The following DOCK1 variants were observed in gnomAD, a reference collection of about 807,000 sequenced individuals.
DOCK1 encodes the protein dedicator of cytokinesis protein 1.
A neutral mutation model predicts 262.7 loss-of-function variants in DOCK1; 138 were observed. That is an observed-to-expected ratio of 0.53 (90% confidence interval 0.46 to 0.61). The LOEUF (loss-of-function observed/expected upper bound fraction) is 0.61, where lower values mean the gene tolerates loss of function less well. Ranked by LOEUF, DOCK1 falls within the 20% of genes least tolerant of loss-of-function variation. The pLI is 0.00. For synonymous variants in DOCK1, 866 were observed against 867.4 expected (o/e 1.00, Z 0.03); for missense variants, 1,908 against 2,370.7 (o/e 0.80, Z 4.05).
intron 1 of DOCK1, among the ~76,000 whole-genome samples, chr10:126,941,711 T>C (rs911989988): frequency 0.069 from 10,460 of 151,926 alleles, 461 homozygotes; most frequent in Middle Eastern, 0.15. Context: ...GCCGAGATCG[T>C]GCCACTGCAC....
intron 27 of DOCK1, among the ~76,000 whole-genome samples, chr10:127,226,343 G>C (rs769836991): frequency 6.6e-6 from 1 of 152,076 alleles, no homozygotes; most frequent in African/African-American, 2.4e-5. Flanking sequence ...ACAAGAACAG[G>C]GTTGGGTAAT....
At chr10:127,052,552 T>C in intron 21 of DOCK1, 129 bp from the exon 22 acceptor site, 2 of 1,332,784 alleles carry the variant, frequency 1.5e-6, no homozygotes, top group Non-Finnish European at 2.0e-6. Context: ...AGAAAACGTT[T>C]TACAGATATT....
intron 23 of DOCK1, among the ~76,000 whole-genome samples, chr10:127,090,313 C>CA (rs1480472800): frequency 6.6e-6 from 1 of 152,064 alleles, no homozygotes; most frequent in Non-Finnish European, 1.5e-5. Context: ...TCATGGTTCC[C>CA]AGGTGTTTGT....
intron 1 of DOCK1, among the ~76,000 whole-genome samples, chr10:126,948,123 T>TA: frequency 8.4e-6 from 1 of 118,386 alleles, no homozygotes; most frequent in African/African-American, 3.2e-5. Context: ...GTGATGGTGG[T>TA]GGTTGGTAGT....
intron 33 of DOCK1, among the ~76,000 whole-genome samples, chr10:127,372,536 T>G (rs2065262405): frequency 6.6e-6 from 1 of 152,226 alleles, no homozygotes; most frequent in African/African-American, 2.4e-5. Context: ...ACCAACTGTA[T>G]TCAGTAGTTT....
At position 127,175,454 on chromosome 10, in the gene DOCK1, C is replaced by T; in HGVS notation, c.2847+47690C>T. Reference sequence around the variant, plus strand: ...ACGGCTGCTCACTACATTCGGGGGACAGGCACTGCATCGGGGGTGAGCAGG... The same window carrying T: ...ACGGCTGCTCACTACATTCGGGGGATAGGCACTGCATCGGGGGTGAGCAGG... On this transcript the variant is annotated intron_variant, in intron 27 of 51. Coordinates refer to ENST00000623213, the MANE Select transcript of DOCK1 (RefSeq NM_001290223.2). This position sits in a 1 kb window ranked among gnomAD's most constrained non-coding sequence, Gnocchi z 6.3. 6.2e-7 allele frequency: 1 copy of T among 1,611,336 alleles called. No individual in the cohort carries two copies. The highest frequency in any genetic ancestry group is 8.5e-7 in the Non-Finnish European group (1 of 1,180,010).
intron 1 of DOCK1, among the ~76,000 whole-genome samples, chr10:126,934,230 G>C (rs1472080431): frequency 6.6e-6 from 1 of 152,156 alleles, no homozygotes; most frequent in Non-Finnish European, 1.5e-5. Flanking sequence ...AGTCTAAACA[G>C]GATCTAGATT....
intron 11 of DOCK1, among the ~76,000 whole-genome samples, chr10:127,010,399 A>G (rs921818563): frequency 2.0e-5 from 3 of 152,192 alleles, no homozygotes; most frequent in African/African-American, 7.2e-5. Flanking sequence ...CCCGGGAGGC[A>G]GAGGTTGCAA....
chr10:127,040,747 T>C (rs1291737806), intron 19 of DOCK1, among the ~76,000 whole-genome samples: 1 of 152,192 alleles, frequency 6.6e-6, no homozygotes, highest in African/African-American at 2.4e-5. Flanking sequence ...ACCCATTTAT[T>C]TTTATTTTTC....
chr10:127,031,123 T>A (rs551303653), intron 16 of DOCK1, among the ~76,000 whole-genome samples: 2 of 152,292 alleles, frequency 1.3e-5, no homozygotes, highest in South Asian at 2.1e-4. Flanking sequence ...AAGGCAGGAA[T>A]TGATTTTAGT....
intron 8 of DOCK1, 144 bp downstream of exon 8, chr10:126,998,393 G>C: frequency 9.0e-7 from 1 of 1,114,174 alleles, no homozygotes. Flanking sequence ...GTCAAGAGCT[G>C]TCTTAGACAG....
chr10:126,926,987 A>T (rs1474869214), intron 1 of DOCK1, among the ~76,000 whole-genome samples: 2 of 152,130 alleles, frequency 1.3e-5, no homozygotes, highest in Non-Finnish European at 2.9e-5. Flanking sequence ...TGCAGTTGAG[A>T]CACAGGGGAA....
At position 127,305,098 on chromosome 10, in the gene DOCK1, C is replaced by T. The variant is rs576375433; in HGVS notation, c.3045-33908C>T. Among the ~76,000 whole-genome samples, 3 of 152,084 alleles carry T rather than the reference C, an allele frequency of 2.0e-5. No individual in the cohort carries two copies. In the East Asian group the frequency reaches 5.8e-4, roughly 29 times the overall value. Reference sequence around the variant, plus strand: ...CATTTTTCAGGTTTTCCAGTTGTCTCACCCCAGTCTAATTTTGCATATTTT... The same window carrying T: ...CATTTTTCAGGTTTTCCAGTTGTCTTACCCCAGTCTAATTTTGCATATTTT... On this transcript the variant is annotated intron_variant, in intron 29 of 51. Coordinates refer to ENST00000623213, the MANE Select transcript of DOCK1 (RefSeq NM_001290223.2).
chr10:127,008,318 G>A (rs773450529), intron 10 of DOCK1, among the ~76,000 whole-genome samples: 1 of 152,090 alleles, frequency 6.6e-6, no homozygotes, highest in South Asian at 2.1e-4. Context: ...GGCTAGTCTC[G>A]AACTCCTGGG....
At chr10:127,302,740 G>GT (rs56851132) in intron 29 of DOCK1, among the ~76,000 whole-genome samples, 27,270 of 71,010 alleles carry the variant, frequency 0.38, 2,729 homozygotes, top group Admixed American at 0.41. Context: ...GGAAAAGAGG[G>GT]GGTGTGTGTG....
chr10:127,360,966 T>C (rs150607082), intron 32 of DOCK1, among the ~76,000 whole-genome samples: 1 of 152,300 alleles, frequency 6.6e-6, no homozygotes, highest in African/African-American at 2.4e-5. Flanking sequence ...CTTGAGCTTG[T>C]CATGTAAATT....
intron 38 of DOCK1, among the ~76,000 whole-genome samples, chr10:127,397,782 A>AGTGACT (rs1027725104): frequency 2.1e-5 from 3 of 146,240 alleles, no homozygotes; most frequent in Non-Finnish European, 4.4e-5. Context: ...TGACACGGGC[A>AGTGACT]GTGACTCCTG....
chr10:126,907,079 A>G (rs1054538161), intron 1 of DOCK1, among the ~76,000 whole-genome samples: 2 of 152,118 alleles, frequency 1.3e-5, no homozygotes, highest in Non-Finnish European at 2.9e-5. Context: ...TGCACCACCT[A>G]ATGGATTCAG....
At chr10:127,103,541 C>T (rs1175939334) in intron 23 of DOCK1, among the ~76,000 whole-genome samples, 3 of 152,096 alleles carry the variant, frequency 2.0e-5, no homozygotes, top group Non-Finnish European at 4.4e-5. Flanking sequence ...GCAGCAGTTT[C>T]CCTGGAATTC....
Sources: allele counts gnomAD v4.1 joint callset (sites outside exome capture counted in the v4.1 genomes callset), GRCh38; gene constraint gnomAD v4.1.1; non-coding constraint Gnocchi (gnomAD v3.1); transcripts MANE v1.5; gene names NCBI Gene and HGNC (gene_info 2026-07-23, HGNC 2026-07-21).